PLCL1: variants seen among roughly 807,000 people sequenced by gnomAD.
The protein encoded by PLCL1 is phospholipase C like 1 (inactive).
In PLCL1, 41 loss-of-function variants were observed where a neutral mutation model predicts 84.4. The ratio of observed to expected loss-of-function variants is 0.49; its 90% CI spans 0.38 to 0.63. The LOEUF (loss-of-function observed/expected upper bound fraction) is 0.63, where lower values mean the gene tolerates loss of function less well. Ranked by LOEUF, PLCL1 falls within the 30% of genes least tolerant of loss-of-function variation. The pLI, the probability that PLCL1 is intolerant of heterozygous loss-of-function variation, is 0.00. For missense variants in PLCL1, 1,206 were observed against 1,367.8 expected (o/e 0.88, Z 1.87); for synonymous variants, 490 against 488.3 (o/e 1.00, Z -0.05).
At chr2:198,067,324 C>G (rs1257151554) in intron 1 of PLCL1, among the ~76,000 whole-genome samples, 2 of 152,034 alleles carry the variant, frequency 1.3e-5, no homozygotes, top group Non-Finnish European at 2.9e-5. Flanking sequence ...GACAGGGTCT[C>G]ACCATGTTGG....
In PLCL1 at chr2:198,086,186, CG is replaced by C. The variant is rs770008845; in HGVS notation, c.2671del (p.Val891PhefsTer8). 1.9e-6 allele frequency: 3 copies of C among 1,613,366 alleles called. No individual in the cohort carries two copies. Among genetic ancestry groups the C allele is most frequent in the African/African-American group, 2.7e-5 (2 of 74,856 alleles). ...ACCATTGATGACATCTTTAAAATAGCGGTTCATCCATTACGAGAAGCCATAG... is the reference window on the plus strand; with the variant it reads ...ACCATTGATGACATCTTTAAAATAGCGTTCATCCATTACGAGAAGCCATAG... Reference protein sequence around the residue: ...LKTIDDIFKIAVHPLREAIDM... With the variant: ...LKTIDDIFKIXVHPLREAIDM... On this transcript the variant is annotated frameshift_variant, in exon 2 of 6. Transcript: ENST00000428675. LOFTEE classifies it high-confidence loss of function.
chr2:198,000,138 T>C (rs938015610), intron 1 of PLCL1, among the ~76,000 whole-genome samples: 5 of 152,150 alleles, frequency 3.3e-5, no homozygotes, highest in African/African-American at 1.2e-4. Flanking sequence ...TTAAATTACC[T>C]AAAAGAAAGA....
intron 1 of PLCL1, among the ~76,000 whole-genome samples, chr2:197,819,575 C>A (rs1280099991): frequency 6.6e-6 from 1 of 152,068 alleles, no homozygotes; most frequent in Non-Finnish European, 1.5e-5. Flanking sequence ...TGAATGGGAG[C>A]TTAGAGACCA....
chr2:198,101,933 G>A (rs1425057106), intron 4 of PLCL1, among the ~76,000 whole-genome samples: 2 of 151,928 alleles, frequency 1.3e-5, no homozygotes, highest in African/African-American at 4.8e-5. Context: ...TGATTATGAC[G>A]AGGAAGATGA....
At chr2:198,063,018 A>G (rs1692239309) in intron 1 of PLCL1, among the ~76,000 whole-genome samples, 1 of 152,190 alleles carries the variant, frequency 6.6e-6, no homozygotes, top group Non-Finnish European at 1.5e-5. Flanking sequence ...CTGGCAGTCC[A>G]AAGATCACAC....
intron 1 of PLCL1, among the ~76,000 whole-genome samples, chr2:197,920,893 G>A (rs1688687940): frequency 1.3e-5 from 2 of 152,204 alleles, no homozygotes; most frequent in South Asian, 4.1e-4. Flanking sequence ...GAAAGGCCAT[G>A]GAGATGAAAT....
chr2:197,956,859 A>G (rs1254938018), intron 1 of PLCL1, among the ~76,000 whole-genome samples: 1 of 152,014 alleles, frequency 6.6e-6, no homozygotes, highest in African/African-American at 2.4e-5. Context: ...ATTTTCTCCC[A>G]TTCTGTAGGT....
chr2:197,806,407 T>G (rs1418084619), intron 1 of PLCL1, among the ~76,000 whole-genome samples: 1 of 152,228 alleles, frequency 6.6e-6, no homozygotes, highest in East Asian at 1.9e-4. Flanking sequence ...TTAAGCTGCG[T>G]AACCAGTGCA....
chr2:197,960,726 A>G (rs1012074860), intron 1 of PLCL1, among the ~76,000 whole-genome samples: 1 of 152,100 alleles, frequency 6.6e-6, no homozygotes, highest in Non-Finnish European at 1.5e-5. Flanking sequence ...TCATGTTAAA[A>G]TGTCTATGGC....
chr2:198,038,776 G>T (rs1034333126), intron 1 of PLCL1, among the ~76,000 whole-genome samples: 9 of 135,904 alleles, frequency 6.6e-5, no homozygotes, highest in Non-Finnish European at 1.3e-4. Context: ...GTTAAGCAAA[G>T]AAATGCTTTT....
At chr2:197,922,772 G>C (rs1449015474) in intron 1 of PLCL1, among the ~76,000 whole-genome samples, 5 of 112,546 alleles carry the variant, frequency 4.4e-5, no homozygotes, top group South Asian at 3.1e-4. Flanking sequence ...TGGCCGGGCA[G>C]GGGGCTGACC....
chr2:197,869,515 C>T (rs905672627), intron 1 of PLCL1, among the ~76,000 whole-genome samples: 5 of 151,886 alleles, frequency 3.3e-5, no homozygotes, highest in Admixed American at 2.6e-4. Context: ...TGTTGATGTT[C>T]GACTCATGCA....
intron 1 of PLCL1, among the ~76,000 whole-genome samples, chr2:197,838,935 G>A (rs1691242669): frequency 6.6e-6 from 1 of 152,162 alleles, no homozygotes; most frequent in African/African-American, 2.4e-5. Context: ...ATGACAATGA[G>A]TAAAATTGTG....
chr2:198,124,058 T>G (rs568218549), intron 5 of PLCL1, among the ~76,000 whole-genome samples: 1 of 152,218 alleles, frequency 6.6e-6, no homozygotes, highest in East Asian at 1.9e-4. Flanking sequence ...CGTTTGAGTT[T>G]CCTAGTGCAA....
chr2:198,023,811 A>T lies in PLCL1; in HGVS notation c.241-59947A>T, dbSNP rs1691197345. On this transcript the variant is annotated intron_variant, in intron 1 of 5. Coordinates refer to ENST00000428675, the MANE Select transcript of PLCL1 (RefSeq NM_006226.4). The stretch of plus-strand genomic sequence containing the variant: ...TACCCTGTTGGTGGGAGTGTAAATT[A>T]GTTCAAGCATTGTGGAAGACAGTGG... 3.3e-5 allele frequency among the ~76,000 whole-genome samples: 5 copies of T among 152,218 alleles called. No individual in the cohort carries two copies. In the South Asian group the frequency reaches 1.0e-3, roughly 32 times the overall value.
intron 1 of PLCL1, among the ~76,000 whole-genome samples, chr2:197,920,029 G>C: frequency 6.6e-6 from 1 of 152,010 alleles, no homozygotes; most frequent in South Asian, 2.1e-4. Flanking sequence ...GCCATAGGGT[G>C]GTCATGAAAA....
chr2:198,100,381 A>G (rs1218840962), intron 3 of PLCL1, among the ~76,000 whole-genome samples: 1 of 152,094 alleles, frequency 6.6e-6, no homozygotes, highest in Non-Finnish European at 1.5e-5. Context: ...AAGGAGACAG[A>G]AGGGGAAATC....
chr2:198,125,434 GAT>G (rs1427609502), intron 5 of PLCL1, among the ~76,000 whole-genome samples: 1 of 152,092 alleles, frequency 6.6e-6, no homozygotes, highest in African/African-American at 2.4e-5. Context: ...GTGGTTTACA[GAT>G]ATGAGGAGTA....
At chr2:198,105,500 T>C (rs1000675273) in intron 5 of PLCL1, among the ~76,000 whole-genome samples, 9 of 151,840 alleles carry the variant, frequency 5.9e-5, no homozygotes, top group African/African-American at 1.5e-4. Flanking sequence ...CTCTAGGAGA[T>C]GGGGAGCTGC....
Sources: allele counts gnomAD v4.1 joint callset (sites outside exome capture counted in the v4.1 genomes callset), GRCh38; gene constraint gnomAD v4.1.1; transcripts MANE v1.5; gene names NCBI Gene and HGNC (gene_info 2026-07-23, HGNC 2026-07-21).